Variants in TTC27 observed in about 807,000 individuals in gnomAD.
TTC27 encodes the protein tetratricopeptide repeat domain 27.
In TTC27, 79 loss-of-function variants were observed where a neutral mutation model predicts 115.9. The ratio of observed to expected loss-of-function variants is 0.68; its 90% CI spans 0.57 to 0.82. TTC27 has a LOEUF of 0.82. Ranked by LOEUF, TTC27 falls within the 40% of genes least tolerant of loss-of-function variation. The probability of loss-of-function intolerance (pLI) is 0.00; values close to 1 mark genes in which losing one functional copy is unlikely to be tolerated. For missense variants in TTC27, 1,054 were observed against 993.1 expected, an observed-to-expected ratio of 1.06 and a Z score of -0.82; for synonymous variants, 401 against 356.0, an observed-to-expected ratio of 1.13 and a Z score of -1.42.
chr2:32,752,209 CA>C (rs1669043591), intron 12 of TTC27, among the ~76,000 whole-genome samples: 1 of 152,200 alleles, frequency 6.6e-6, no homozygotes, highest in South Asian at 2.1e-4. Flanking sequence ...TTACACGGAA[CA>C]TCTACCATAG....
intron 5 of TTC27, among the ~76,000 whole-genome samples, chr2:32,657,641 A>G (rs1665378522): frequency 1.3e-5 from 2 of 152,242 alleles, no homozygotes; most frequent in Admixed American, 1.3e-4. Context: ...TGTTTCTGCC[A>G]GATTATAGGT....
intron 16 of TTC27, among the ~76,000 whole-genome samples, chr2:32,806,907 G>A (rs1671150814): frequency 6.6e-6 from 1 of 152,050 alleles, no homozygotes; most frequent in South Asian, 2.1e-4. Context: ...TTAAGTACAG[G>A]GAATAATTTT....
intron 9 of TTC27, among the ~76,000 whole-genome samples, chr2:32,699,836 G>C (rs1667121228): frequency 6.6e-6 from 1 of 152,190 alleles, no homozygotes. Context: ...TCAGTATTTA[G>C]TGAGAATGTT....
chr2:32,708,312 T>TC (rs936775824), intron 10 of TTC27, among the ~76,000 whole-genome samples: 1 of 131,354 alleles, frequency 7.6e-6, no homozygotes, highest in African/African-American at 2.9e-5. Context: ...TTGTTTTTTT[T>TC]TTTTTTTTTT....
intron 15 of TTC27, among the ~76,000 whole-genome samples, chr2:32,783,859 T>C (rs1175027570): frequency 6.6e-6 from 1 of 152,228 alleles, no homozygotes; most frequent in African/African-American, 2.4e-5. Context: ...ATATTTTCAT[T>C]TTTATTTGGC....
At chr2:32,676,274 A>C (rs1222693805) in intron 8 of TTC27, among the ~76,000 whole-genome samples, 1 of 151,940 alleles carries the variant, frequency 6.6e-6, no homozygotes, top group Admixed American at 6.6e-5. Context: ...GAATGCTTGT[A>C]TGCATTCATG....
chr2:32,786,206 C>T (rs1030429676), intron 15 of TTC27, among the ~76,000 whole-genome samples: 1 of 152,110 alleles, frequency 6.6e-6, no homozygotes, highest in Middle Eastern at 3.2e-3. Context: ...ACTGCACCCA[C>T]GGCTTCCCAG....
chr2:32,649,997 G>A (rs1475361689), intron 4 of TTC27, 134 bp from the exon 5 acceptor site: 3 of 668,398 alleles, frequency 4.5e-6, no homozygotes, highest in Non-Finnish European at 7.7e-6. Context: ...ACTGAAGAGA[G>A]TAGTGGATGG....
At chr2:32,760,815 G>A (rs973145608) in intron 13 of TTC27, among the ~76,000 whole-genome samples, 5 of 152,080 alleles carry the variant, frequency 3.3e-5, no homozygotes, top group African/African-American at 1.2e-4. Context: ...GACATGAATT[G>A]TTCTCTGCAG....
intron 16 of TTC27, among the ~76,000 whole-genome samples, chr2:32,795,575 CAA>C (rs1316060498): frequency 6.9e-6 from 1 of 145,788 alleles, no homozygotes; most frequent in East Asian, 2.1e-4. Context: ...TATTTATTGA[CAA>C]AGTGTTGCTC....
intron 5 of TTC27, among the ~76,000 whole-genome samples, chr2:32,659,232 C>G (rs1665444259): frequency 6.6e-6 from 1 of 152,118 alleles, no homozygotes; most frequent in Non-Finnish European, 1.5e-5. Context: ...TTCCTAAGCA[C>G]TTGGATTATA....
At chr2:32,641,324 A>G (rs1024790868) in intron 4 of TTC27, among the ~76,000 whole-genome samples, 1 of 152,224 alleles carries the variant, frequency 6.6e-6, no homozygotes, top group Non-Finnish European at 1.5e-5. Flanking sequence ...ACTCTGCTGC[A>G]TTGTAGTGTT....
chr2:32,679,020 C>A, intron 9 of TTC27, 98 bp downstream of exon 9: 3 of 993,602 alleles, frequency 3.0e-6, no homozygotes, highest in South Asian at 1.5e-5. Flanking sequence ...GAAACACTGC[C>A]ACCTAAGGAA....
intron 5 of TTC27, among the ~76,000 whole-genome samples, chr2:32,664,091 A>G (rs1302043989): frequency 1.3e-5 from 2 of 152,114 alleles, no homozygotes; most frequent in African/African-American, 2.4e-5. Flanking sequence ...TAGTGTACAT[A>G]ATGTCCTTAG....
chr2:32,702,223 A>G (rs998948622), intron 9 of TTC27, among the ~76,000 whole-genome samples: 11 of 152,168 alleles, frequency 7.2e-5, no homozygotes, highest in Non-Finnish European at 1.3e-4. Flanking sequence ...CAACTTTCAG[A>G]TAAATAAACA....
At chr2:32,693,490 C>T (rs1217308765) in intron 9 of TTC27, among the ~76,000 whole-genome samples, 1 of 152,168 alleles carries the variant, frequency 6.6e-6, no homozygotes, top group East Asian at 1.9e-4. Flanking sequence ...AGAATTAAGA[C>T]ATTTTGACAC....
chr2:32,756,211 A>G (rs1669227421), intron 12 of TTC27, among the ~76,000 whole-genome samples: 1 of 152,390 alleles, frequency 6.6e-6, no homozygotes, highest in Middle Eastern at 3.4e-3. Context: ...ATTGGCCTCC[A>G]GAATTTCTGG....
intron 9 of TTC27, among the ~76,000 whole-genome samples, chr2:32,694,105 ATC>A (rs1418112439): frequency 2.0e-5 from 3 of 152,194 alleles, no homozygotes; most frequent in African/African-American, 7.2e-5. Context: ...CCTTTTGGTA[ATC>A]TCTGTTATTT....
chr2:32,778,093 T>A, intron 14 of TTC27, 113 bp downstream of exon 14: 1 of 958,844 alleles, frequency 1.0e-6, no homozygotes, highest in Non-Finnish European at 1.6e-6. Flanking sequence ...AAGTGTACAT[T>A]TGAGGGAAGG....
Sources: allele counts gnomAD v4.1 joint callset (sites outside exome capture counted in the v4.1 genomes callset), GRCh38; gene constraint gnomAD v4.1.1; transcripts MANE v1.5; gene names NCBI Gene and HGNC (gene_info 2026-07-23, HGNC 2026-07-21).